The following HS3ST4 variants were observed in gnomAD, a reference collection of about 807,000 sequenced individuals.
HS3ST4 encodes heparan sulfate glucosamine 3-O-sulfotransferase 4.
A neutral mutation model predicts 29.2 loss-of-function variants in HS3ST4; 17 were observed. The ratio of observed to expected loss-of-function variants is 0.58; its 90% CI spans 0.40 to 0.87. HS3ST4 has a LOEUF of 0.87. Ranked by LOEUF, HS3ST4 falls within the 40% of genes least tolerant of loss-of-function variation. HS3ST4 has a pLI of 0.00. For synonymous variants in HS3ST4, 314 were observed against 285.7 expected (o/e 1.10, Z -1.00); for missense variants, 627 against 634.5 (o/e 0.99, Z 0.13).
At chr16:26,134,436 C>T (rs897089378) in intron 1 of HS3ST4, among the ~76,000 whole-genome samples, 3 of 147,136 alleles carry the variant, frequency 2.0e-5, no homozygotes, top group African/African-American at 5.1e-5. Flanking sequence ...AATCTCAGCT[C>T]ACTGCAACCT....
At chr16:25,805,924 C>T (rs1966986452) in intron 1 of HS3ST4, among the ~76,000 whole-genome samples, 1 of 152,124 alleles carries the variant, frequency 6.6e-6, no homozygotes, top group African/African-American at 2.4e-5. Context: ...TCTCATTGTT[C>T]AGCTCCCACT....
chr16:26,135,075 C>T (rs868655617), intron 1 of HS3ST4, among the ~76,000 whole-genome samples: 20 of 151,136 alleles, frequency 1.3e-4, no homozygotes, highest in Admixed American at 4.6e-4. Flanking sequence ...GTGAGTTAGA[C>T]GAAAATAGGA....
At chr16:25,901,573 G>A (rs1445523803) in intron 1 of HS3ST4, among the ~76,000 whole-genome samples, 1 of 152,170 alleles carries the variant, frequency 6.6e-6, no homozygotes, top group Non-Finnish European at 1.5e-5. Context: ...TACTCAGGAG[G>A]CTGAGGAGGA....
chr16:25,726,133 C>T (rs1966533080), intron 1 of HS3ST4, among the ~76,000 whole-genome samples: 1 of 152,204 alleles, frequency 6.6e-6, no homozygotes, highest in South Asian at 2.1e-4. Flanking sequence ...TTGTGACCCA[C>T]AGTTTGAAAA....
chr16:25,910,947 G>A (rs1437538875), intron 1 of HS3ST4, among the ~76,000 whole-genome samples: 1 of 152,114 alleles, frequency 6.6e-6, no homozygotes, highest in African/African-American at 2.4e-5. Context: ...TAGTGTTCAG[G>A]CCCTGCCCAG....
chr16:26,053,042 G>GT (rs1235951816), intron 1 of HS3ST4, among the ~76,000 whole-genome samples: 1 of 152,212 alleles, frequency 6.6e-6, no homozygotes, highest in East Asian at 1.9e-4. Context: ...GGCACCTAGC[G>GT]TAAGTCCTGG....
chr16:25,780,432 T>C (rs917909145), intron 1 of HS3ST4, among the ~76,000 whole-genome samples: 2 of 152,124 alleles, frequency 1.3e-5, no homozygotes, highest in Middle Eastern at 3.2e-3. Flanking sequence ...AAAGTTTGGG[T>C]GATCATAGGG....
intron 1 of HS3ST4, among the ~76,000 whole-genome samples, chr16:25,838,303 A>G (rs1967381200): frequency 6.6e-6 from 1 of 152,158 alleles, no homozygotes; most frequent in Non-Finnish European, 1.5e-5. Flanking sequence ...TAGTTTTCCC[A>G]GAAGTACTTA....
intron 1 of HS3ST4, among the ~76,000 whole-genome samples, chr16:26,119,537 G>A (rs549060741): frequency 6.6e-6 from 1 of 152,268 alleles, no homozygotes; most frequent in Non-Finnish European, 1.5e-5. Context: ...CCTGAGGTTA[G>A]GGAGCCTGGA....
At chr16:26,053,523 T>G (rs1898370946) in intron 1 of HS3ST4, among the ~76,000 whole-genome samples, 1 of 152,202 alleles carries the variant, frequency 6.6e-6, no homozygotes, top group African/African-American at 2.4e-5. Flanking sequence ...AGGGGACTGT[T>G]CTTTCTCAGG....
intron 1 of HS3ST4, among the ~76,000 whole-genome samples, chr16:25,750,316 G>A (rs928175869): frequency 4.6e-5 from 7 of 152,146 alleles, no homozygotes; most frequent in East Asian, 1.9e-4. Context: ...GTTAGAAGCC[G>A]CATGATCTTT....
At chr16:25,894,590 C>T (rs996383390) in intron 1 of HS3ST4, among the ~76,000 whole-genome samples, 1 of 151,676 alleles carries the variant, frequency 6.6e-6, no homozygotes, top group Non-Finnish European at 1.5e-5. Context: ...ACTGCAACCT[C>T]CGCCTCCCAG....
chr16:26,002,415 G>A (rs116127862), intron 1 of HS3ST4, among the ~76,000 whole-genome samples: 49 of 152,172 alleles, frequency 3.2e-4, no homozygotes, highest in African/African-American at 1.2e-3. Flanking sequence ...AGGCCAAGTG[G>A]GGCGTAGTTG....
At chr16:26,055,364 C>T (rs1898394388) in intron 1 of HS3ST4, among the ~76,000 whole-genome samples, 2 of 152,116 alleles carry the variant, frequency 1.3e-5, no homozygotes, top group Admixed American at 6.5e-5. Context: ...CTTTGCCTAG[C>T]TCACAGCAGG....
intron 1 of HS3ST4, among the ~76,000 whole-genome samples, chr16:25,759,795 G>A (rs1163996538): frequency 6.6e-6 from 1 of 152,064 alleles, no homozygotes; most frequent in Non-Finnish European, 1.5e-5. Context: ...AGACATGATG[G>A]TGGGCTCCTG....
intron 1 of HS3ST4, among the ~76,000 whole-genome samples, chr16:25,747,599 A>G (rs1228870567): frequency 6.6e-6 from 1 of 152,198 alleles, no homozygotes; most frequent in Non-Finnish European, 1.5e-5. Context: ...TTTTGCAGAG[A>G]AAACTGAAGC....
intron 1 of HS3ST4, among the ~76,000 whole-genome samples, chr16:25,772,584 A>G (rs2098815103): frequency 6.6e-6 from 1 of 152,126 alleles, no homozygotes; most frequent in Admixed American, 6.6e-5. Context: ...TAGTTACTTT[A>G]TCTTCTTATG....
At chr16:25,890,308 G>A (rs931190038) in intron 1 of HS3ST4, among the ~76,000 whole-genome samples, 11 of 152,112 alleles carry the variant, frequency 7.2e-5, no homozygotes, top group African/African-American at 2.7e-4. Context: ...TCCTTCCATA[G>A]GGAGGCATCA....
chr16:25,993,127 G>T (rs1172827249), intron 1 of HS3ST4, among the ~76,000 whole-genome samples: 2 of 152,154 alleles, frequency 1.3e-5, no homozygotes, highest in African/African-American at 4.8e-5. Context: ...ATCTAGAACT[G>T]CTGACTCTGA....
Sources: gnomAD v4.1 joint callset for allele counts (sites outside exome capture counted in the v4.1 genomes callset) on GRCh38, gnomAD v4.1.1 for gene constraint, MANE v1.5 for transcripts, NCBI Gene and HGNC (gene_info 2026-07-23, HGNC 2026-07-21) for gene names.